Variants in SLC39A8 observed in about 807,000 individuals in gnomAD.
The protein encoded by SLC39A8 is solute carrier family 39 member 8, also known as metal cation symporter ZIP8.
A neutral mutation model predicts 40.4 loss-of-function variants in SLC39A8; 15 were observed. That is an observed-to-expected ratio of 0.37 (90% confidence interval 0.25 to 0.57). The LOEUF (loss-of-function observed/expected upper bound fraction) is 0.57. Ranked by LOEUF, SLC39A8 falls within the 20% of genes least tolerant of loss-of-function variation. The pLI, the probability that SLC39A8 is intolerant of heterozygous loss-of-function variation, is 0.75. For synonymous variants in SLC39A8, 223 were observed against 221.6 expected (o/e 1.01, Z -0.06); for missense variants, 472 against 558.8 (o/e 0.84, Z 1.57).
intron 6 of SLC39A8, among the ~76,000 whole-genome samples, chr4:102,270,795 G>A (rs184115654): frequency 1.4e-4 from 22 of 152,262 alleles, no homozygotes; most frequent in African/African-American, 2.2e-4. Context: ...TTATCAGAAT[G>A]GGGGAGAAAG....
intron 6 of SLC39A8, among the ~76,000 whole-genome samples, chr4:102,270,796 G>A (rs1392857235): frequency 6.6e-6 from 1 of 152,072 alleles, no homozygotes; most frequent in East Asian, 1.9e-4. Flanking sequence ...TATCAGAATG[G>A]GGGAGAAAGA....
At chr4:102,322,010 G>T (rs868053454) in intron 2 of SLC39A8, among the ~76,000 whole-genome samples, 2 of 152,296 alleles carry the variant, frequency 1.3e-5, no homozygotes, top group Middle Eastern at 3.4e-3. Context: ...GATGTCTGTG[G>T]TTTTTGCCTT....
intron 6 of SLC39A8, among the ~76,000 whole-genome samples, chr4:102,293,044 C>A (rs572621482): frequency 6.6e-6 from 1 of 152,024 alleles, no homozygotes; most frequent in East Asian, 1.9e-4. Flanking sequence ...CTAATTAACA[C>A]CTAATGAACA....
chr4:102,282,433 T>C (rs1031359647), intron 6 of SLC39A8, among the ~76,000 whole-genome samples: 1 of 152,146 alleles, frequency 6.6e-6, no homozygotes, highest in African/African-American at 2.4e-5. Context: ...AATTCCAAAT[T>C]GGTTCACCAA....
intron 6 of SLC39A8, among the ~76,000 whole-genome samples, chr4:102,273,519 C>T (rs903249848): frequency 1.3e-5 from 2 of 152,198 alleles, no homozygotes; most frequent in Non-Finnish European, 2.9e-5. Context: ...GTGGGCGCAG[C>T]TTCCGCCGAC....
At chr4:102,283,449 A>C (rs1732998373) in intron 6 of SLC39A8, among the ~76,000 whole-genome samples, 1 of 152,214 alleles carries the variant, frequency 6.6e-6, no homozygotes, top group Non-Finnish European at 1.5e-5. Flanking sequence ...GCCAGTCTCC[A>C]TCCTGGAAGG....
chr4:102,268,940 A>G (rs1166794632), intron 6 of SLC39A8, among the ~76,000 whole-genome samples: 1 of 152,210 alleles, frequency 6.6e-6, no homozygotes, highest in East Asian at 1.9e-4. Context: ...ATTCATTTTT[A>G]AGTACAAAAG....
chr4:102,287,596 A>C (rs1422075817), intron 6 of SLC39A8, among the ~76,000 whole-genome samples: 1 of 152,104 alleles, frequency 6.6e-6, no homozygotes, highest in Non-Finnish European at 1.5e-5. Context: ...CAACATAGTA[A>C]CTTGCATATG....
chr4:102,343,444 C>G (rs1480184923), intron 2 of SLC39A8, among the ~76,000 whole-genome samples: 9 of 152,176 alleles, frequency 5.9e-5, no homozygotes, highest in Non-Finnish European at 1.3e-4. Context: ...CTTCTTGTAA[C>G]AAACTAACAT....
Position 102,267,949 on chromosome 4 carries a change from G to A in SLC39A8, c.971C>T (p.Ala324Val). 6.2e-7 allele frequency: 1 copy of A among 1,614,186 alleles called. No individual in the cohort carries two copies. The highest frequency in any genetic ancestry group is 8.5e-7 in the Non-Finnish European group (1 of 1,180,032). Residue 324 changes from alanine to valine, a missense_variant, in exon 7 of 9, where the codon GCT (alanine) becomes GTT (valine). By Grantham distance (64) the Ala-to-Val change is moderately conservative. Around this residue, in one of 4 missense-constraint regions of SLC39A8, gnomAD observed 239 missense variants for 317.9 expected, o/e 0.75. Coordinates refer to ENST00000356736, the MANE Select transcript of SLC39A8 (RefSeq NM_001135146.2). ...CTGAAGGAGAGACAAGGTGCAGGAA[G>A]CCCCAATCGCCAGGCCATCGATGAA... The part of the protein sequence containing the change: ...HNFIDGLAIG[A>V]SCTLSLLQGL...
At chr4:102,254,612 A>T (rs1369674942) in intron 11 of SLC39A8, among the ~76,000 whole-genome samples, 1 of 152,244 alleles carries the variant, frequency 6.6e-6, no homozygotes, top group African/African-American at 2.4e-5. Flanking sequence ...TAATAACTTG[A>T]CAACCAGGTG....
intron 6 of SLC39A8, among the ~76,000 whole-genome samples, chr4:102,270,461 G>A (rs1010842820): frequency 1.3e-5 from 2 of 152,148 alleles, no homozygotes; most frequent in Non-Finnish European, 2.9e-5. Flanking sequence ...TTAAATCACT[G>A]AGCAGAGAGA....
At chr4:102,258,111 G>GT (rs761041063), downstream of SLC39A8, among the ~76,000 whole-genome samples, 1,257 of 143,742 alleles carry the variant, frequency 8.7e-3, 17 homozygotes, top group South Asian at 0.027. Flanking sequence ...TTTGTTTTTT[G>GT]TTTTTTTTTT....
chr4:102,268,083 G>A lies in SLC39A8; in HGVS notation c.841-4C>T. On this transcript the variant is annotated splice_region_variant and splice_polypyrimidine_tract_variant and intron_variant, in intron 6 of 8. Transcript: ENST00000356736. Reference sequence around the variant, plus strand: ...AACTTGGCTCTTTTTTTCCATCCTAGCAGAAAATCAATTAAAATGATAACC... The same window carrying A: ...AACTTGGCTCTTTTTTTCCATCCTAACAGAAAATCAATTAAAATGATAACC... 6.2e-7 allele frequency: 1 copy of A among 1,613,868 alleles called. No homozygotes were observed.
chr4:102,328,763 C>T (rs113032087), intron 2 of SLC39A8, among the ~76,000 whole-genome samples: 2,131 of 152,160 alleles, frequency 0.014, 46 homozygotes, highest in African/African-American at 0.048. Context: ...CGGTGGCTCA[C>T]GCCTGTAATC....
At chr4:102,258,168 G>A (rs529272587), downstream of SLC39A8, among the ~76,000 whole-genome samples, 6 of 150,826 alleles carry the variant, frequency 4.0e-5, no homozygotes, top group African/African-American at 1.2e-4. Context: ...GCAGTGGCGC[G>A]ATCTCGGCTC....
chr4:102,253,006 C>G (rs940632862), exon 12 of SLC39A8: 1 of 151,734 alleles, frequency 6.6e-6, no homozygotes, highest in African/African-American at 2.5e-5. Context: ...ATTCAAATTT[C>G]TCTTTTTAAT....
intron 11 of SLC39A8, among the ~76,000 whole-genome samples, chr4:102,256,591 A>T (rs928430903): frequency 6.6e-6 from 1 of 152,152 alleles, no homozygotes; most frequent in African/African-American, 2.4e-5. Flanking sequence ...AATCTAACCT[A>T]ATGCCATCTT....
In SLC39A8 at chr4:102,344,903, C is replaced by G. The variant is rs372568338; in HGVS notation, c.-241G>C. The G allele has an allele frequency of 5.0e-5, 65 of 1,293,356 alleles. 1 individual carries two copies. The South Asian group carries it at 6.3e-4, about 13-fold the overall frequency. The allele number at this position is 1,293,356 out of a possible 1,614,324, so 80.1% of individuals were successfully genotyped here. A position where few individuals can be genotyped will look rare whatever the true frequency, so the allele number is the denominator to read the frequency against. ...GCGATAGGCGGAGTGGGCCCCCCGG[C>G]CTCCTGGAGAGCCTGAGATAAAGAG... On this transcript the variant is annotated 5_prime_UTR_variant, in exon 2 of 9. Coordinates refer to ENST00000356736, the MANE Select transcript of SLC39A8 (RefSeq NM_001135146.2).
Sources: allele counts gnomAD v4.1 joint callset (sites outside exome capture counted in the v4.1 genomes callset), GRCh38; gene constraint gnomAD v4.1.1; regional missense constraint gnomAD v4.1.1; transcripts MANE v1.5; gene names NCBI Gene and HGNC (gene_info 2026-07-23, HGNC 2026-07-21).